Variants in ARHGAP26 observed in about 807,000 individuals in gnomAD.
ARHGAP26 encodes the protein Rho GTPase activating protein 26.
ARHGAP26 carries 38 observed loss-of-function variants against 104.8 expected under a neutral mutation model. That is an observed-to-expected ratio of 0.36 (90% CI 0.28 to 0.48). The LOEUF (loss-of-function observed/expected upper bound fraction) is 0.48. Among genes scored for constraint, ARHGAP26 ranks in the 20% least tolerant of loss-of-function variants. The pLI is 0.99. For synonymous variants in ARHGAP26, 341 were observed against 340.0 expected, an observed-to-expected ratio of 1.00 and a Z score of -0.03; for missense variants, 704 against 947.9, an observed-to-expected ratio of 0.74 and a Z score of 3.38.
intron 11 of ARHGAP26, among the ~76,000 whole-genome samples, chr5:142,950,997 TTCTCTTTC>T (rs1768266624): frequency 1.8e-4 from 1 of 5,708 alleles, no homozygotes; most frequent in African/African-American, 4.9e-4. Context: ...CTCTTTCCCT[TTCTCTTTC>T]CCTTTCCCTT....
chr5:143,217,524 T>A (rs1810520889), intron 22 of ARHGAP26, among the ~76,000 whole-genome samples: 1 of 152,228 alleles, frequency 6.6e-6, no homozygotes, highest in Non-Finnish European at 1.5e-5. Flanking sequence ...AATTGGGTTC[T>A]AGGGATACTT....
intron 9 of ARHGAP26, among the ~76,000 whole-genome samples, chr5:142,909,156 G>C (rs1761508926): frequency 6.6e-6 from 1 of 151,956 alleles, no homozygotes. Flanking sequence ...GTCTCCCTCT[G>C]GAGATATTTA....
intron 11 of ARHGAP26, among the ~76,000 whole-genome samples, chr5:142,964,671 G>A (rs1369028462): frequency 6.6e-6 from 1 of 152,102 alleles, no homozygotes; most frequent in Admixed American, 6.6e-5. Flanking sequence ...ATCTCACCAA[G>A]TTTCAAAAAG....
chr5:142,981,793 T>C (rs245731), intron 11 of ARHGAP26, among the ~76,000 whole-genome samples: 17,409 of 152,176 alleles, frequency 0.11, 1,877 homozygotes, highest in East Asian at 0.26. Context: ...CTAAGTGGTG[T>C]CGTGGTACCA....
At chr5:142,873,040 G>A (rs1482256521) in intron 1 of ARHGAP26, among the ~76,000 whole-genome samples, 1 of 152,234 alleles carries the variant, frequency 6.6e-6, no homozygotes, top group Non-Finnish European at 1.5e-5. Context: ...GTCAGTGGCA[G>A]AGCAGACCTG....
intron 11 of ARHGAP26, among the ~76,000 whole-genome samples, chr5:142,972,075 G>A (rs1178290013): frequency 2.0e-5 from 3 of 152,034 alleles, no homozygotes; most frequent in Non-Finnish European, 4.4e-5. Context: ...CCAGCTACTC[G>A]GGAGGCTGGG....
chr5:143,109,669 G>T (rs1241523454), intron 17 of ARHGAP26, among the ~76,000 whole-genome samples: 4 of 151,854 alleles, frequency 2.6e-5, no homozygotes, highest in African/African-American at 9.7e-5. Context: ...CAAACTCCTG[G>T]CCTCAAATGA....
intron 17 of ARHGAP26, among the ~76,000 whole-genome samples, chr5:143,119,278 T>TA (rs886984512): frequency 6.6e-6 from 1 of 152,126 alleles, no homozygotes; most frequent in African/African-American, 2.4e-5. Context: ...GGTACTTTCA[T>TA]AAAAAAATAG....
At chr5:142,828,741 T>C (rs1767803625) in intron 1 of ARHGAP26, among the ~76,000 whole-genome samples, 1 of 152,090 alleles carries the variant, frequency 6.6e-6, no homozygotes, top group Non-Finnish European at 1.5e-5. Flanking sequence ...GGGGATTGTC[T>C]CTATATTTTG....
At chr5:142,978,942 A>G (rs904132984) in intron 11 of ARHGAP26, among the ~76,000 whole-genome samples, 1 of 152,208 alleles carries the variant, frequency 6.6e-6, no homozygotes, top group Admixed American at 6.5e-5. Flanking sequence ...TGATAAAGCA[A>G]TGCTAGGGTA....
intron 1 of ARHGAP26, among the ~76,000 whole-genome samples, chr5:142,804,439 T>G (rs182481540): frequency 5.4e-4 from 83 of 152,316 alleles, no homozygotes; most frequent in Non-Finnish European, 1.1e-3. Context: ...GAATGGAAAC[T>G]TACTGAATTC....
At chr5:142,933,794 G>A (rs1422068666) in intron 11 of ARHGAP26, among the ~76,000 whole-genome samples, 1 of 152,196 alleles carries the variant, frequency 6.6e-6, no homozygotes, top group Non-Finnish European at 1.5e-5. Context: ...TTACTTCAAA[G>A]AAGAAGAGGA....
intron 18 of ARHGAP26, among the ~76,000 whole-genome samples, chr5:143,126,704 G>A (rs554004858): frequency 2.8e-4 from 42 of 152,230 alleles, no homozygotes; most frequent in African/African-American, 9.9e-4. Context: ...ACTCCTTACC[G>A]TGGACTCTCC....
intron 1 of ARHGAP26, among the ~76,000 whole-genome samples, chr5:142,789,039 C>T (rs1017179231): frequency 6.6e-6 from 1 of 152,160 alleles, no homozygotes; most frequent in Non-Finnish European, 1.5e-5. Flanking sequence ...TGATCTAATG[C>T]CAACCCTTTT....
chr5:142,889,763 G>A (rs1313662556), intron 5 of ARHGAP26, among the ~76,000 whole-genome samples: 1 of 152,096 alleles, frequency 6.6e-6, no homozygotes, highest in Non-Finnish European at 1.5e-5. Context: ...TGAAAGGCCA[G>A]GACAATCTTC....
intron 17 of ARHGAP26, among the ~76,000 whole-genome samples, chr5:143,082,041 C>G (rs1789917865): frequency 6.7e-6 from 1 of 148,958 alleles, no homozygotes; most frequent in African/African-American, 2.5e-5. Flanking sequence ...AAAATGGTAG[C>G]TTTTGTCTGA....
intron 1 of ARHGAP26, among the ~76,000 whole-genome samples, chr5:142,864,503 G>A (rs992802428): frequency 6.6e-6 from 1 of 152,176 alleles, no homozygotes; most frequent in African/African-American, 2.4e-5. Context: ...AAGCATTAGG[G>A]GTTTTCTGAG....
intron 20 of ARHGAP26, among the ~76,000 whole-genome samples, chr5:143,161,299 A>G (rs946260618): frequency 6.6e-6 from 1 of 152,160 alleles, no homozygotes; most frequent in Admixed American, 6.5e-5. Context: ...GGCATGAGCC[A>G]CTGCACCCGG....
Position 143,054,459 on chromosome 5 carries a change from A to G in ARHGAP26, c.1306A>G (p.Thr436Ala). 1 of 1,612,856 alleles carries G rather than the reference A, an allele frequency of 6.2e-7. No individual in the cohort carries two copies. Among genetic ancestry groups the G allele is most frequent in the Non-Finnish European group, 8.5e-7 (1 of 1,179,386 alleles). Reference sequence around the variant, plus strand: ...TTTAGACCCCAAGACTGCTTCTGAGACAGAAACAGATATCTGTGCTGAATG... The same window carrying G: ...TTTAGACCCCAAGACTGCTTCTGAGGCAGAAACAGATATCTGTGCTGAATG... The part of the protein sequence containing the change: ...VLMDPKTASE[T>A]ETDICAEWEI... Residue 436 changes from threonine (T) to alanine (A), a missense_variant, in exon 15 of 23, where the codon ACA becomes GCA. Coordinates refer to ENST00000645722, the MANE Select transcript of ARHGAP26 (RefSeq NM_001135608.3).
Sources: gnomAD v4.1 joint callset for allele counts (sites outside exome capture counted in the v4.1 genomes callset) on GRCh38, gnomAD v4.1.1 for gene constraint, MANE v1.5 for transcripts, NCBI Gene and HGNC (gene_info 2026-07-23, HGNC 2026-07-21) for gene names.